Variants in CSNK2A2IP observed in about 807,000 individuals in gnomAD.
CSNK2A2IP encodes the protein casein kinase II subunit alpha'-interacting protein.
chr3:88,410,044 G>T, the CSNK2A2IP span, among the ~76,000 whole-genome samples: 5 of 151,974 alleles, frequency 3.3e-5, no homozygotes, highest in Non-Finnish European at 7.4e-5. Flanking sequence ...ATCCTAGCTG[G>T]ACTAAATCAA....
At chr3:88,437,186 C>T in the CSNK2A2IP span, among the ~76,000 whole-genome samples, 1 of 152,104 alleles carries the variant, frequency 6.6e-6, no homozygotes, top group Non-Finnish European at 1.5e-5. Context: ...CACTTATGTA[C>T]ATTTTCATTT....
At chr3:88,345,354 T>C in the CSNK2A2IP span, among the ~76,000 whole-genome samples, 1 of 152,054 alleles carries the variant, frequency 6.6e-6, no homozygotes, top group Admixed American at 6.6e-5. Context: ...TCTTTAATTA[T>C]ACATTTGATT....
At chr3:88,378,205 A>G in the CSNK2A2IP span, among the ~76,000 whole-genome samples, 1 of 151,988 alleles carries the variant, frequency 6.6e-6, no homozygotes, top group Non-Finnish European at 1.5e-5. Flanking sequence ...TTGTCTCATC[A>G]GTAAAAGTAA....
At chr3:88,396,694 T>C in the CSNK2A2IP span, among the ~76,000 whole-genome samples, 1 of 152,196 alleles carries the variant, frequency 6.6e-6, no homozygotes, top group Non-Finnish European at 1.5e-5. Flanking sequence ...AGTGGCTAGA[T>C]AATGATCTTG....
At chr3:88,364,358 T>G in the CSNK2A2IP span, among the ~76,000 whole-genome samples, 2 of 151,990 alleles carry the variant, frequency 1.3e-5, no homozygotes, top group Non-Finnish European at 2.9e-5. Flanking sequence ...AATCAGGAGA[T>G]TATAAAATAT....
the CSNK2A2IP span, among the ~76,000 whole-genome samples, chr3:88,449,842 CACACACACACACATAT>C: frequency 2.3e-5 from 2 of 86,584 alleles, 1 homozygote; most frequent in Non-Finnish European, 5.5e-5. Context: ...CACACACACA[CACACACACACACATAT>C]ATATATATAT....
At chr3:88,365,282 T>C in the CSNK2A2IP span, among the ~76,000 whole-genome samples, 16 of 152,142 alleles carry the variant, frequency 1.1e-4, no homozygotes, top group African/African-American at 3.4e-4. Flanking sequence ...AGAATTGAAG[T>C]GAATGTAGTT....
chr3:88,448,898 A>G, the CSNK2A2IP span, among the ~76,000 whole-genome samples: 1 of 152,216 alleles, frequency 6.6e-6, no homozygotes, highest in Non-Finnish European at 1.5e-5. Flanking sequence ...TGATTTTGAC[A>G]TATATAAATT....
chr3:88,448,276 G>T, the CSNK2A2IP span, among the ~76,000 whole-genome samples: 2 of 152,164 alleles, frequency 1.3e-5, no homozygotes, highest in East Asian at 3.8e-4. Context: ...GAACAAAGAG[G>T]CTTTATTGGC....
chr3:88,415,488 G>A, the CSNK2A2IP span, among the ~76,000 whole-genome samples: 2 of 151,038 alleles, frequency 1.3e-5, no homozygotes, highest in Non-Finnish European at 2.9e-5. Flanking sequence ...TTCATGGTAT[G>A]ATTTAAGTTT....
At chr3:88,448,529 C>A in the CSNK2A2IP span, among the ~76,000 whole-genome samples, 1 of 152,154 alleles carries the variant, frequency 6.6e-6, no homozygotes, top group Non-Finnish European at 1.5e-5. Flanking sequence ...TATAGGGAAT[C>A]CCTTCTGTTT....
At chr3:88,378,742 T>C in the CSNK2A2IP span, among the ~76,000 whole-genome samples, 4 of 152,046 alleles carry the variant, frequency 2.6e-5, no homozygotes, top group African/African-American at 7.2e-5. Flanking sequence ...TATAATATTC[T>C]AAGGGAAAGA....
the CSNK2A2IP span, among the ~76,000 whole-genome samples, chr3:88,447,620 C>A: frequency 5.9e-5 from 9 of 151,816 alleles, no homozygotes; most frequent in South Asian, 8.3e-4. Flanking sequence ...TTATTTCATT[C>A]AATAAAGAAA....
chr3:88,389,458 G>A, the CSNK2A2IP span, among the ~76,000 whole-genome samples: 7 of 152,296 alleles, frequency 4.6e-5, no homozygotes, highest in African/African-American at 1.4e-4. Flanking sequence ...AATGAGGTTG[G>A]AGACTTCAGG....
the CSNK2A2IP span, among the ~76,000 whole-genome samples, chr3:88,441,755 A>C: frequency 2.6e-5 from 4 of 152,118 alleles, no homozygotes; most frequent in African/African-American, 9.7e-5. Flanking sequence ...TTTTTTATTC[A>C]TTTTAAACTG....
chr3:88,374,694 T>C, the CSNK2A2IP span, among the ~76,000 whole-genome samples: 1 of 151,730 alleles, frequency 6.6e-6, no homozygotes, highest in Non-Finnish European at 1.5e-5. Flanking sequence ...ATATTTTCTT[T>C]ACATTATTTC....
chr3:88,358,517 G>T, the CSNK2A2IP span, among the ~76,000 whole-genome samples: 1 of 132,744 alleles, frequency 7.5e-6, no homozygotes, highest in Non-Finnish European at 1.8e-5. Flanking sequence ...TACTCTGTTT[G>T]TTGTGAGCTG....
the CSNK2A2IP span, among the ~76,000 whole-genome samples, chr3:88,416,245 C>T: frequency 6.7e-6 from 1 of 148,474 alleles, no homozygotes; most frequent in East Asian, 2.0e-4. Context: ...GCACTCCAGC[C>T]TGGGTGACAG....
chr3:88,358,115 T>C, the CSNK2A2IP span, among the ~76,000 whole-genome samples: 49 of 152,290 alleles, frequency 3.2e-4, no homozygotes, highest in African/African-American at 1.1e-3. Flanking sequence ...ATGGGATTAC[T>C]TTCTTGGTTT....
Sources: allele counts gnomAD v4.1 joint callset (sites outside exome capture counted in the v4.1 genomes callset), GRCh38; gene constraint gnomAD v4.1.1; transcripts MANE v1.5; gene names NCBI Gene and HGNC (gene_info 2026-07-23, HGNC 2026-07-21).